NECTIN3: variants seen among roughly 807,000 people sequenced by gnomAD.
NECTIN3 encodes nectin cell adhesion molecule 3, also known as nectin-3.
NECTIN3 carries 8 observed loss-of-function variants against 49.4 expected under a neutral mutation model. The observed-to-expected ratio is 0.16, with a 90% CI of 0.10 to 0.29. NECTIN3 has a LOEUF of 0.29. Ranked by LOEUF, NECTIN3 falls within the 10% of genes least tolerant of loss-of-function variation. The pLI is 1.00. For synonymous variants in NECTIN3, 277 were observed against 241.1 expected (o/e 1.15, Z -1.38); for missense variants, 581 against 654.6 (o/e 0.89, Z 1.23).
chr3:111,136,853 A>T lies in NECTIN3; in HGVS notation c.*2638A>T. ...CTTATTTTTCTGCCATTTTTTATTA[A>T]AATACATTGAAACTAAAGTAGGCTC... is the stretch of plus-strand genomic sequence containing the variant. On this transcript the variant is annotated 3_prime_UTR_variant, in exon 6 of 6. Transcript: ENST00000485303. The T allele has an allele frequency of 1.0e-6, 1 of 960,660 alleles. No homozygotes were observed. The highest frequency in any genetic ancestry group is 1.2e-6 in the Non-Finnish European group (1 of 807,658). The allele number at this position is 960,660 out of a possible 1,614,324, so 59.5% of individuals were successfully genotyped here.
downstream of NECTIN3, among the ~76,000 whole-genome samples, chr3:111,142,288 A>C (rs2034766350): frequency 6.6e-6 from 1 of 151,876 alleles, no homozygotes; most frequent in Non-Finnish European, 1.5e-5. Flanking sequence ...TAGATTATCT[A>C]GTGGGGAAAT....
intron 7 of NECTIN3, among the ~76,000 whole-genome samples, chr3:111,151,798 C>A (rs894958925): frequency 6.6e-6 from 1 of 151,818 alleles, no homozygotes. Context: ...AATGTTTTTA[C>A]ATTTTTTTAG....
exon 1 of NECTIN3, chr3:111,192,397 G>T (rs957736969): frequency 2.6e-6 from 4 of 1,535,578 alleles, no homozygotes; most frequent in Admixed American, 3.9e-5. Flanking sequence ...AGAGAAGTTG[G>T]CAATCTTCAG....
At chr3:111,097,243 C>T (rs1026029968) in intron 1 of NECTIN3, among the ~76,000 whole-genome samples, 7 of 152,112 alleles carry the variant, frequency 4.6e-5, no homozygotes, top group South Asian at 2.1e-4. Flanking sequence ...ACTTCAGCCC[C>T]TTTGTTTTGG....
chr3:111,097,077 G>A (rs1309854752), intron 1 of NECTIN3, among the ~76,000 whole-genome samples: 2 of 152,188 alleles, frequency 1.3e-5, no homozygotes, highest in East Asian at 1.9e-4. Context: ...CGTGAAAGCC[G>A]GGAGGGAGGC....
At chr3:111,114,789 C>T (rs889053486) in intron 2 of NECTIN3, among the ~76,000 whole-genome samples, 2 of 151,672 alleles carry the variant, frequency 1.3e-5, no homozygotes, top group African/African-American at 2.4e-5. Context: ...TGTGTGGGTC[C>T]CTTTATACAT....
exon 6 of NECTIN3, chr3:111,145,032 C>T (rs1170459891): frequency 1.3e-6 from 2 of 1,536,014 alleles, no homozygotes; most frequent in Admixed American, 3.9e-5. Flanking sequence ...CCTATCTTGA[C>T]AAAGTGTAGG....
intron 1 of NECTIN3, among the ~76,000 whole-genome samples, chr3:111,090,471 G>C (rs1462693798): frequency 6.6e-6 from 1 of 151,430 alleles, no homozygotes; most frequent in African/African-American, 2.4e-5. Context: ...ATATTAATTA[G>C]TACATATATT....
rs550174871 is a variant in NECTIN3, at chr3:111,154,120, G to A, written c.1221+6636G>A. ...CACGATCAAAATATTGTACATATCC[G>A]TCATTTCCAAAAGTCCTAGTGTCCC... On this transcript the variant is annotated intron_variant, in intron 7 of 8. Coordinates refer to the NECTIN3 transcript ENST00000493615. 1.1e-4 allele frequency among the ~76,000 whole-genome samples: 17 copies of A among 152,142 alleles called. No individual in the cohort carries two copies. The East Asian group carries it at 2.5e-3, about 22-fold the overall frequency.
intron 3 of NECTIN3, 87 bp from the exon 4 acceptor site, chr3:111,122,034 T>C: frequency 1.1e-6 from 1 of 921,088 alleles, no homozygotes; most frequent in Non-Finnish European, 1.7e-6. Flanking sequence ...ATTCTAAGGC[T>C]TTGTCTATTA....
At chr3:111,156,391 G>A (rs1014202799) in intron 7 of NECTIN3, among the ~76,000 whole-genome samples, 5 of 150,806 alleles carry the variant, frequency 3.3e-5, no homozygotes, top group Admixed American at 2.6e-4. Context: ...TTTTTAAAGA[G>A]GCCATTGGTT....
At chr3:111,106,685 C>G (rs1317660640) in intron 1 of NECTIN3, among the ~76,000 whole-genome samples, 2 of 152,140 alleles carry the variant, frequency 1.3e-5, no homozygotes, top group African/African-American at 2.4e-5. Context: ...TTGAGGACAA[C>G]TATATGCTAT....
chr3:111,193,402 G>T, intron 1 of NECTIN3: 6 of 1,524,104 alleles, frequency 3.9e-6, no homozygotes, highest in Non-Finnish European at 5.3e-6. Context: ...TCCAATGGGC[G>T]TTCTAACAAA....
intron 1 of NECTIN3, among the ~76,000 whole-genome samples, chr3:111,110,593 T>C (rs539931657): frequency 6.6e-6 from 1 of 152,180 alleles, no homozygotes; most frequent in East Asian, 1.9e-4. Context: ...ACCAAGCTTG[T>C]GATAGGTTGC....
At chr3:111,169,176 A>C (rs1192851505) in intron 7 of NECTIN3, among the ~76,000 whole-genome samples, 2 of 130,764 alleles carry the variant, frequency 1.5e-5, no homozygotes, top group Non-Finnish European at 3.0e-5. Context: ...TGCAAGCTCC[A>C]CCTCGTGGGT....
At position 111,136,245 on chromosome 3, in the gene NECTIN3, A is replaced by C; in HGVS notation, c.*2030A>C. ...AGGATTCTATATAAATCTCAACTGG[A>C]GTATAATCTGAAGGAAATTAGCAGT... On this transcript the variant is annotated 3_prime_UTR_variant, in exon 6 of 6. Transcript: ENST00000485303. 1 of 960,474 alleles carries C rather than the reference A, an allele frequency of 1.0e-6. No homozygotes were observed. Among genetic ancestry groups the C allele is most frequent in the African/African-American group, 1.8e-5 (1 of 56,700 alleles). 59.5% of individuals were successfully genotyped at this position (960,474 alleles called of 1,614,324 possible).
chr3:111,185,210 C>T (rs1205942769), intron 7 of NECTIN3, among the ~76,000 whole-genome samples: 3 of 152,070 alleles, frequency 2.0e-5, no homozygotes, highest in South Asian at 2.1e-4. Context: ...TCCTAAATGC[C>T]GAACTCTGTC....
At chr3:111,161,763 A>G (rs1448946443) in intron 7 of NECTIN3, among the ~76,000 whole-genome samples, 1 of 152,194 alleles carries the variant, frequency 6.6e-6, no homozygotes, top group Non-Finnish European at 1.5e-5. Context: ...ATTGGTGACT[A>G]CTGTTCTGGG....
At chr3:111,100,892 CTT>C (rs1171729468) in intron 1 of NECTIN3, among the ~76,000 whole-genome samples, 2 of 152,038 alleles carry the variant, frequency 1.3e-5, no homozygotes, top group Admixed American at 6.5e-5. Context: ...ACCTCTCTAA[CTT>C]TGTAATTTGA....
Sources: gnomAD v4.1 joint callset for allele counts (sites outside exome capture counted in the v4.1 genomes callset) on GRCh38, gnomAD v4.1.1 for gene constraint, MANE v1.5 for transcripts, NCBI Gene and HGNC (gene_info 2026-07-23, HGNC 2026-07-21) for gene names.